The following CFAP99 variants were observed in gnomAD, a reference collection of about 807,000 sequenced individuals.
The protein encoded by CFAP99 is cilia- and flagella-associated protein 99.
A neutral mutation model predicts 82.7 loss-of-function variants in CFAP99; 84 were observed. That is an observed-to-expected ratio of 1.02 (90% CI 0.85 to 1.22). CFAP99 has a LOEUF of 1.22. Among genes scored for constraint, CFAP99 ranks in the 50% most tolerant of loss-of-function variants. CFAP99 has a pLI of 0.00. For synonymous variants in CFAP99, 456 were observed against 429.5 expected (o/e 1.06, Z -0.76); for missense variants, 1,059 against 983.5 (o/e 1.08, Z -1.03).
rs1443556973 is a variant in CFAP99 at position 2,449,632 on chromosome 4, C to T, written c.643-38C>T. 7 of 1,527,444 alleles carry T rather than the reference C, an allele frequency of 4.6e-6. No homozygotes were observed. The Admixed American group carries it at 1.4e-4, about 30-fold the overall frequency. 94.6% of individuals were successfully genotyped at this position (1,527,444 alleles called of 1,614,324 possible). On this transcript the variant is annotated intron_variant, in intron 6 of 14. Transcript: ENST00000635017. Reference sequence around the variant, plus strand: ...TTTCTAGGCCCCCTCCCACTCGCAGCTGCTGACCATAGGCTCTTCCTCCCA... The same window carrying T: ...TTTCTAGGCCCCCTCCCACTCGCAGTTGCTGACCATAGGCTCTTCCTCCCA...
At chr4:2,459,522 G>A (rs1286551592) in intron 13 of CFAP99, among the ~76,000 whole-genome samples, 8 of 152,250 alleles carry the variant, frequency 5.3e-5, no homozygotes, top group Non-Finnish European at 8.8e-5. Context: ...CACAGAGGAG[G>A]CCACTTAGGA....
At chr4:2,451,398 T>C (rs969528482) in intron 10 of CFAP99, 46 bp downstream of exon 10, 9 of 1,520,734 alleles carry the variant, frequency 5.9e-6, no homozygotes, top group Non-Finnish European at 7.9e-6. Flanking sequence ...GGCATCACCC[T>C]TGAGAGGAAA....
At chr4:2,429,855 T>C (rs1404964972) in intron 2 of CFAP99, among the ~76,000 whole-genome samples, 1 of 152,204 alleles carries the variant, frequency 6.6e-6, no homozygotes. Flanking sequence ...CCTCCCAAGG[T>C]GCTGGGATTA....
At chr4:2,425,432 C>G (rs964474770) in intron 1 of CFAP99, among the ~76,000 whole-genome samples, 5 of 152,094 alleles carry the variant, frequency 3.3e-5, no homozygotes, top group African/African-American at 4.8e-5. Flanking sequence ...GGGTCGCTTG[C>G]ATGTTTTTAG....
intron 4 of CFAP99, among the ~76,000 whole-genome samples, chr4:2,442,303 C>A (rs968558355): frequency 5.9e-5 from 9 of 151,878 alleles, no homozygotes; most frequent in African/African-American, 1.7e-4. Flanking sequence ...AAATGGCCCC[C>A]TTGAGGGAGG....
intron 11 of CFAP99, among the ~76,000 whole-genome samples, chr4:2,453,038 G>A (rs113194470): frequency 0.019 from 2,933 of 152,230 alleles, 82 homozygotes; most frequent in African/African-American, 0.063. Context: ...ACTCCATCCT[G>A]GGCGACAGAG....
chr4:2,436,977 A>G lies in CFAP99; in HGVS notation c.215A>G (p.Asp72Gly), dbSNP rs17132548. 5,741 of 1,535,922 alleles carry G rather than the reference A, an allele frequency of 3.7e-3. 191 individuals are homozygous for G. The African/African-American group carries it at 0.067, about 18-fold the overall frequency. ...GTGGTGGATGCCTTCTACGTGGAGG[A>G]TGGCCGACTCTGCCTGCGGGTTGAC... Residue 72 changes from aspartate to glycine, a missense_variant, in exon 3 of 15, where the codon GAT (aspartate) becomes GGT (glycine). Physicochemically the swap from Asp to Gly is moderately conservative, Grantham distance 94 (BLOSUM62 -1). Transcript: ENST00000635017.
chr4:2,433,865 C>G (rs1286249740), intron 2 of CFAP99, among the ~76,000 whole-genome samples: 3 of 152,192 alleles, frequency 2.0e-5, no homozygotes, highest in Non-Finnish European at 4.4e-5. Context: ...GTGACTGGAA[C>G]AGCCAGGGCG....
Position 2,451,367 on chromosome 4 carries a change from GCCC to G in CFAP99, c.956+20_956+22del. 2 of 1,533,774 alleles carry G rather than the reference GCCC, an allele frequency of 1.3e-6. No individual in the cohort carries two copies. Among genetic ancestry groups the G allele is most frequent in the Non-Finnish European group, 1.7e-6 (2 of 1,145,856 alleles). ...GAGCTGCAGAGGTGAAGGGCGGCAG[GCCC>G]CCCCACCTGCCTTCCACGGCATCAC... On this transcript the variant is annotated intron_variant, in intron 10 of 14. Coordinates refer to ENST00000635017, the Ensembl canonical transcript of CFAP99.
intron 2 of CFAP99, among the ~76,000 whole-genome samples, chr4:2,430,685 C>G (rs1733781934): frequency 6.6e-6 from 1 of 152,216 alleles, no homozygotes; most frequent in Non-Finnish European, 1.5e-5. Flanking sequence ...TACCTAGTCC[C>G]AGTTACTAGG....
chr4:2,451,742 G>T (rs1002781161), intron 10 of CFAP99, among the ~76,000 whole-genome samples: 3 of 9,030 alleles, frequency 3.3e-4, no homozygotes, highest in East Asian at 2.8e-3. Context: ...CAGGCTGTGG[G>T]GGGAGCATGG....
intron 9 of CFAP99, 40 bp from the exon 10 acceptor site, chr4:2,451,224 C>G: frequency 6.5e-7 from 1 of 1,532,294 alleles, no homozygotes; most frequent in Non-Finnish European, 8.7e-7. Flanking sequence ...TCCCAAGGGT[C>G]TCCTCAAGCC....
At chr4:2,451,108 G>T in intron 9 of CFAP99, 90 bp downstream of exon 9, 1 of 1,469,396 alleles carries the variant, frequency 6.8e-7, no homozygotes. Flanking sequence ...GATGACCTGA[G>T]CTGGGGGACC....
At chr4:2,436,420 T>C (rs1733907744) in intron 2 of CFAP99, among the ~76,000 whole-genome samples, 1 of 152,244 alleles carries the variant, frequency 6.6e-6, no homozygotes, top group Non-Finnish European at 1.5e-5. Flanking sequence ...TTTTTCAGCG[T>C]AGAGTTCCGT....
chr4:2,454,236 C>T (rs1734370483), intron 11 of CFAP99, among the ~76,000 whole-genome samples: 1 of 152,164 alleles, frequency 6.6e-6, no homozygotes, highest in African/African-American at 2.4e-5. Context: ...CTCCTGGCCT[C>T]GTGATCCACC....
At chr4:2,460,906 CTT>C (rs1276183874) in intron 14 of CFAP99, among the ~76,000 whole-genome samples, 1 of 152,052 alleles carries the variant, frequency 6.6e-6, no homozygotes, top group Non-Finnish European at 1.5e-5. Flanking sequence ...GCCCGGCTAA[CTT>C]TTTGTATTTT....
chr4:2,441,710 C>T (rs1436761168), intron 4 of CFAP99, among the ~76,000 whole-genome samples: 1 of 152,222 alleles, frequency 6.6e-6, no homozygotes, highest in Non-Finnish European at 1.5e-5. Flanking sequence ...CCATGCCCCG[C>T]TGGGCCATGC....
exon 13 of CFAP99, chr4:2,459,116 C>T (rs780991641): frequency 4.7e-5 from 72 of 1,516,732 alleles, no homozygotes; most frequent in East Asian, 3.4e-4. Flanking sequence ...GTTCAGGAGG[C>T]GATCGAGGAG....
At chr4:2,424,774 G>A (rs1036202800) in intron 1 of CFAP99, among the ~76,000 whole-genome samples, 3 of 152,204 alleles carry the variant, frequency 2.0e-5, no homozygotes, top group African/African-American at 7.2e-5. Flanking sequence ...ACCCCCAGCC[G>A]AGACTCCTCT....
Sources: allele counts gnomAD v4.1 joint callset (sites outside exome capture counted in the v4.1 genomes callset), GRCh38; gene constraint gnomAD v4.1.1; transcripts MANE v1.5; gene names NCBI Gene and HGNC (gene_info 2026-07-23, HGNC 2026-07-21).